The following MAML2 variants were observed in gnomAD, a reference collection of about 807,000 sequenced individuals.
MAML2 encodes the protein mastermind like transcriptional coactivator 2.
MAML2 carries 22 observed loss-of-function variants against 96.1 expected under a neutral mutation model. That is an observed-to-expected ratio of 0.23 (90% confidence interval 0.16 to 0.33). The LOEUF (loss-of-function observed/expected upper bound fraction) is 0.33. Ranked by LOEUF, MAML2 falls within the 10% of genes least tolerant of loss-of-function variation. The pLI, the probability that MAML2 is intolerant of heterozygous loss-of-function variation, is 1.00. For synonymous variants in MAML2, 561 were observed against 521.3 expected, an observed-to-expected ratio of 1.08 and a Z score of -1.04; for missense variants, 1,367 against 1,392.4, an observed-to-expected ratio of 0.98 and a Z score of 0.29.
rs542849920 is a variant in MAML2, at chr11:96,040,494, C to T, written c.2140-48771G>A. Among the ~76,000 whole-genome samples, 10 of 152,244 alleles carry T rather than the reference C, an allele frequency of 6.6e-5. 1 individual carries two copies. In the South Asian group the frequency reaches 1.7e-3, roughly 25 times the overall value. On this transcript the variant is annotated intron_variant, in intron 2 of 4. Coordinates refer to ENST00000524717, the MANE Select transcript of MAML2 (RefSeq NM_032427.4). ...TCTAAAAAACCTCCTTGGCTGGGCACGGTGGCTCACACCTGTAATCCCAGC... is the reference window on the plus strand; with the variant it reads ...TCTAAAAAACCTCCTTGGCTGGGCATGGTGGCTCACACCTGTAATCCCAGC...
intron 2 of MAML2, among the ~76,000 whole-genome samples, chr11:96,077,601 A>G (rs1477968254): frequency 6.6e-6 from 1 of 152,160 alleles, no homozygotes; most frequent in Non-Finnish European, 1.5e-5. Context: ...TCGAAACTTT[A>G]TTTTAGGAAT....
intron 1 of MAML2, among the ~76,000 whole-genome samples, chr11:96,210,079 A>G (rs937034708): frequency 1.1e-4 from 16 of 152,154 alleles, no homozygotes; most frequent in African/African-American, 3.4e-4. Flanking sequence ...AATGACTACA[A>G]AATGTGCCTT....
chr11:95,986,159 T>C (rs1168347423), intron 3 of MAML2, among the ~76,000 whole-genome samples: 1 of 152,148 alleles, frequency 6.6e-6, no homozygotes, highest in Non-Finnish European at 1.5e-5. Context: ...GGTTTTCAGA[T>C]AAAATACAGA....
At position 96,223,527 on chromosome 11, in the gene MAML2, T is replaced by A. The variant is rs1041521505; in HGVS notation, c.513+117856A>T. Reference sequence around the variant, plus strand: ...AGTCCTAAAAATGTTAGAGGGTAGATCCAGCCAGGTATTTTCTTTTTTTTT... The same window carrying A: ...AGTCCTAAAAATGTTAGAGGGTAGAACCAGCCAGGTATTTTCTTTTTTTTT... On this transcript the variant is annotated intron_variant, in intron 1 of 4. Coordinates refer to ENST00000524717, the MANE Select transcript of MAML2 (RefSeq NM_032427.4). Among the ~76,000 whole-genome samples, 5 of 152,136 alleles carry A rather than the reference T, an allele frequency of 3.3e-5. No individual in the cohort carries two copies. In the East Asian group the frequency reaches 9.6e-4, roughly 29 times the overall value.
chr11:96,176,960 T>C (rs1351240437), intron 1 of MAML2, among the ~76,000 whole-genome samples: 1 of 152,156 alleles, frequency 6.6e-6, no homozygotes, highest in Non-Finnish European at 1.5e-5. Flanking sequence ...AATACGGAGA[T>C]AAAAAGGAGA....
Position 96,092,035 on chromosome 11 carries a change from G to T in MAML2, c.1996C>A (p.Pro666Thr), listed in dbSNP as rs202075522. 431 of 1,560,252 alleles carry T rather than the reference G, an allele frequency of 2.8e-4. No individual in the cohort carries two copies. The highest frequency in any genetic ancestry group is 4.1e-5 in the Non-Finnish European group (47 of 1,151,924). Residue 666 changes from proline to threonine, a missense_variant, in exon 2 of 5, where the codon CCA becomes ACA. Coordinates refer to ENST00000524717, the MANE Select transcript of MAML2 (RefSeq NM_032427.4). This position sits in a 1 kb window ranked among gnomAD's most constrained non-coding sequence, Gnocchi z 4.1. ...AGAGATTGGGCAGGCTGAGAAGATG[G>T]TTGTTGCTGCTGCTGCTGCTGCTGT... ...QQQQQQQQQQ[P>T]SSQPAQSLPS...
At chr11:96,016,924 T>A (rs1051706547) in intron 2 of MAML2, among the ~76,000 whole-genome samples, 25 of 152,296 alleles carry the variant, frequency 1.6e-4, no homozygotes, top group African/African-American at 6.0e-4. Flanking sequence ...CAGCCAAATG[T>A]TGCTAGTAAC....
At position 96,093,060 on chromosome 11, in the gene MAML2, A is replaced by C; in HGVS notation, c.971T>G (p.Leu324Arg). The C allele has an allele frequency of 6.2e-7, 1 of 1,614,022 alleles. No homozygotes were observed. Among genetic ancestry groups the C allele is most frequent in the Non-Finnish European group, 8.5e-7 (1 of 1,179,892 alleles). ...TNISVPPMSD[L>R]ELENMINATI... is the part of the protein sequence containing the mutation. ...GGCATTGATCATGTTCTCCAGTTCAAGGTCACTCATGGGAGGCACAGATAT... is the reference window on the plus strand; with the variant it reads ...GGCATTGATCATGTTCTCCAGTTCACGGTCACTCATGGGAGGCACAGATAT... Residue 324 changes from leucine to arginine, a missense_variant, in exon 2 of 5, where the codon CTT (leucine) becomes CGT (arginine). By Grantham distance (102) the Leu-to-Arg change is moderately radical. Coordinates refer to ENST00000524717, the MANE Select transcript of MAML2 (RefSeq NM_032427.4).
At chr11:96,255,696 G>GCCGCCATTT (rs1862654823) in intron 1 of MAML2, among the ~76,000 whole-genome samples, 1 of 152,080 alleles carries the variant, frequency 6.6e-6, no homozygotes, top group African/African-American at 2.4e-5. Context: ...TGGGGCTGCA[G>GCCGCCATTT]CCGCCATTTC....
chr11:96,067,880 C>G (rs1237466652), intron 2 of MAML2, among the ~76,000 whole-genome samples: 2 of 152,106 alleles, frequency 1.3e-5, no homozygotes, highest in Non-Finnish European at 2.9e-5. Context: ...ATTTAAAGGT[C>G]TTCTTGACCT....
At chr11:96,326,806 C>T (rs956989716) in intron 1 of MAML2, among the ~76,000 whole-genome samples, 2 of 151,206 alleles carry the variant, frequency 1.3e-5, no homozygotes, top group African/African-American at 4.9e-5. Flanking sequence ...AAAAAAAAAA[C>T]TATCTTGAGT....
chr11:96,306,223 T>C (rs978788492), intron 1 of MAML2, among the ~76,000 whole-genome samples: 1 of 152,182 alleles, frequency 6.6e-6, no homozygotes, highest in African/African-American at 2.4e-5. Flanking sequence ...AGAGTTAACA[T>C]GTTGACATCT....
At chr11:96,284,586 C>T (rs1271016136) in intron 1 of MAML2, among the ~76,000 whole-genome samples, 4 of 152,190 alleles carry the variant, frequency 2.6e-5, no homozygotes, top group Non-Finnish European at 5.9e-5. Context: ...GTGTCAACAT[C>T]AGTCTGATGG....
chr11:96,207,724 G>A (rs764761574), intron 1 of MAML2, among the ~76,000 whole-genome samples: 22 of 152,182 alleles, frequency 1.4e-4, no homozygotes, highest in Non-Finnish European at 2.6e-4. Flanking sequence ...AACCAGTGAT[G>A]ATTACAAAAT....
chr11:96,105,779 A>G lies in MAML2; in HGVS notation c.514-12262T>C, dbSNP rs561182368. On this transcript the variant is annotated intron_variant, in intron 1 of 4. Transcript: ENST00000524717. Reference sequence around the variant, plus strand: ...GGTACCTCAACTTTCACTCCAGTCTATGTTTATTTTCACATCAAAGATACA... The same window carrying G: ...GGTACCTCAACTTTCACTCCAGTCTGTGTTTATTTTCACATCAAAGATACA... 4.6e-5 allele frequency among the ~76,000 whole-genome samples: 7 copies of G among 152,152 alleles called. 1 individual carries two copies. The highest frequency in any genetic ancestry group is 1.7e-4 in the African/African-American group (7 of 41,502).
At chr11:96,218,110 G>T (rs141494295) in intron 1 of MAML2, among the ~76,000 whole-genome samples, 1 of 152,116 alleles carries the variant, frequency 6.6e-6, no homozygotes, top group East Asian at 1.9e-4. Flanking sequence ...TGCTTTCTGC[G>T]TCGAGGTACT....
intron 1 of MAML2, among the ~76,000 whole-genome samples, chr11:96,232,732 A>G (rs1481093523): frequency 2.6e-5 from 4 of 152,064 alleles, no homozygotes; most frequent in African/African-American, 9.7e-5. Context: ...CAGCCTCCCA[A>G]AGTGCTTAGG....
intron 1 of MAML2, among the ~76,000 whole-genome samples, chr11:96,304,724 G>A (rs1337408426): frequency 1.3e-5 from 2 of 152,190 alleles, no homozygotes; most frequent in African/African-American, 4.8e-5. Context: ...GCAGCAGGCA[G>A]AGGAGATACA....
At chr11:95,997,884 T>C (rs486591) in intron 2 of MAML2, among the ~76,000 whole-genome samples, 4,636 of 152,216 alleles carry the variant, frequency 0.03, 174 homozygotes, top group African/African-American at 0.088. Context: ...ACTCTGAGAA[T>C]GTTTTAAAAT....
Sources: allele counts gnomAD v4.1 joint callset (sites outside exome capture counted in the v4.1 genomes callset), GRCh38; gene constraint gnomAD v4.1.1; non-coding constraint Gnocchi (gnomAD v3.1); transcripts MANE v1.5; gene names NCBI Gene and HGNC (gene_info 2026-07-23, HGNC 2026-07-21).